CACHD1: variants seen among roughly 807,000 people sequenced by gnomAD.
CACHD1 encodes cache domain containing 1.
In CACHD1, 71 loss-of-function variants were observed where a neutral mutation model predicts 138.7. The ratio of observed to expected loss-of-function variants is 0.51; its 90% confidence interval spans 0.42 to 0.62. The LOEUF is 0.62. Ranked by LOEUF, CACHD1 falls within the 20% of genes least tolerant of loss-of-function variation. The pLI is 0.00. For synonymous variants in CACHD1, 578 were observed against 591.5 expected (o/e 0.98, Z 0.33); for missense variants, 1,389 against 1,625.3 (o/e 0.85, Z 2.50).
intron 21 of CACHD1, 59 bp downstream of exon 21, chr1:64,676,042 A>C: frequency 1.8e-6 from 1 of 560,738 alleles, no homozygotes. Context: ...ATAATAATAC[A>C]TATGTAATAC....
At chr1:64,615,062 C>G (rs1008917891) in intron 4 of CACHD1, among the ~76,000 whole-genome samples, 6 of 152,148 alleles carry the variant, frequency 3.9e-5, no homozygotes, top group African/African-American at 1.4e-4. Flanking sequence ...CAGGAAATCC[C>G]TTTCATTTCT....
intron 3 of CACHD1, among the ~76,000 whole-genome samples, chr1:64,591,871 C>T (rs1647109101): frequency 6.6e-6 from 1 of 152,154 alleles, no homozygotes; most frequent in Admixed American, 6.6e-5. Context: ...TATGTACTCT[C>T]TCATCTTTCT....
chr1:64,525,872 G>C (rs1570331876), intron 1 of CACHD1, among the ~76,000 whole-genome samples: 1 of 152,170 alleles, frequency 6.6e-6, no homozygotes, highest in East Asian at 1.9e-4. Flanking sequence ...GAAATTCTTA[G>C]GAATGTAAGC....
intron 1 of CACHD1, among the ~76,000 whole-genome samples, chr1:64,543,935 T>A (rs1295378732): frequency 7.7e-6 from 1 of 130,648 alleles, no homozygotes; most frequent in South Asian, 2.7e-4. Context: ...TCCACCGGCC[T>A]CGGCCTCCCA....
At chr1:64,568,652 A>C (rs1646902366) in intron 2 of CACHD1, among the ~76,000 whole-genome samples, 1 of 152,168 alleles carries the variant, frequency 6.6e-6, no homozygotes, top group Non-Finnish European at 1.5e-5. Flanking sequence ...ATGTGAATGC[A>C]TGCATGAAAG....
intron 2 of CACHD1, among the ~76,000 whole-genome samples, chr1:64,555,878 T>G (rs984069451): frequency 6.6e-6 from 1 of 152,270 alleles, no homozygotes; most frequent in East Asian, 1.9e-4. Context: ...CTTTCTTCAT[T>G]TGTTTTCAGT....
At chr1:64,628,444 G>A (rs1040711504) in intron 4 of CACHD1, among the ~76,000 whole-genome samples, 1 of 152,182 alleles carries the variant, frequency 6.6e-6, no homozygotes, top group African/African-American at 2.4e-5. Flanking sequence ...AGTCAGAATG[G>A]AGCAGAACAA....
intron 1 of CACHD1, among the ~76,000 whole-genome samples, chr1:64,488,543 T>C (rs1233417496): frequency 6.6e-6 from 1 of 152,236 alleles, no homozygotes; most frequent in East Asian, 1.9e-4. Flanking sequence ...TTTCTTTCAA[T>C]ACACATTGTG....
chr1:64,487,252 G>A (rs980354323), intron 1 of CACHD1, among the ~76,000 whole-genome samples: 1 of 152,100 alleles, frequency 6.6e-6, no homozygotes, highest in South Asian at 2.1e-4. Context: ...TCTTGGCTCT[G>A]TCACCCCCTG....
At chr1:64,625,674 G>A (rs372633673) in intron 4 of CACHD1, among the ~76,000 whole-genome samples, 5 of 151,058 alleles carry the variant, frequency 3.3e-5, no homozygotes, top group East Asian at 1.9e-4. Flanking sequence ...TATAATGTAC[G>A]CTATTCATGT....
At chr1:64,564,491 T>G (rs1477977630) in intron 2 of CACHD1, among the ~76,000 whole-genome samples, 1 of 152,184 alleles carries the variant, frequency 6.6e-6, no homozygotes, top group Admixed American at 6.5e-5. Flanking sequence ...GTGAGACTCC[T>G]GTGCATACTT....
At chr1:64,655,790 G>A (rs1431409010) in intron 12 of CACHD1, among the ~76,000 whole-genome samples, 10 of 152,136 alleles carry the variant, frequency 6.6e-5, no homozygotes, top group African/African-American at 2.4e-4. Context: ...TGACCAAAAG[G>A]GGAGTAGAGT....
At chr1:64,684,094 T>C (rs2100743016) in intron 26 of CACHD1, among the ~76,000 whole-genome samples, 1 of 152,338 alleles carries the variant, frequency 6.6e-6, no homozygotes, top group Non-Finnish European at 1.5e-5. Flanking sequence ...CCTAGTGATA[T>C]CTTGATGATC....
chr1:64,632,480 C>A, intron 5 of CACHD1, 119 bp from the exon 6 acceptor site: 1 of 991,114 alleles, frequency 1.0e-6, no homozygotes, highest in South Asian at 1.6e-5. Context: ...CATCCTTGTG[C>A]CATCCCTGGG....
At chr1:64,571,951 T>A (rs1557499371) in intron 2 of CACHD1, among the ~76,000 whole-genome samples, 1 of 152,200 alleles carries the variant, frequency 6.6e-6, no homozygotes, top group East Asian at 1.9e-4. Flanking sequence ...TCCCTTTTAT[T>A]TGAAATGCGT....
intron 7 of CACHD1, among the ~76,000 whole-genome samples, chr1:64,638,441 G>A (rs1340071646): frequency 6.6e-6 from 1 of 152,178 alleles, no homozygotes; most frequent in Non-Finnish European, 1.5e-5. Context: ...ACACTAATTT[G>A]CCTTATATCA....
Position 64,582,256 on chromosome 1 carries a change from C to A in CACHD1, c.362C>A (p.Pro121His). 2 of 1,613,996 alleles carry A rather than the reference C, an allele frequency of 1.2e-6. No homozygotes were observed. The highest frequency in any genetic ancestry group is 1.7e-6 in the Non-Finnish European group (2 of 1,179,866). Residue 121 changes from proline to histidine, a missense_variant, in exon 3 of 27, where the codon CCC becomes CAC. Physicochemically the swap from Pro to His is moderately conservative, Grantham distance 77. Transcript: ENST00000651257. ...TCCTATACGGCTCACCTAACCTCTC[C>A]CCTAACTGCAATTCAAGACTGCTGT... ...EASYTAHLTS[P>H]LTAIQDCCTI...
Position 64,641,889 on chromosome 1 carries a change from A to G in CACHD1, c.1076A>G (p.Lys359Arg), listed in dbSNP as rs1441074160. The G allele has an allele frequency of 6.2e-7, 1 of 1,606,132 alleles. No individual in the cohort carries two copies. The highest frequency in any genetic ancestry group is 1.3e-5 in the African/African-American group (1 of 74,368). Residue 359 changes from lysine to arginine, a missense_variant, in exon 8 of 27, where the codon AAA becomes AGA. Transcript: ENST00000651257. ...AAGGACTCTTCGGAAGAAGATAAAA[A>G]AGCGACTCTCCAAGTCATCAATGAA... ...TSKDSSEEDK[K>R]ATLQVINEEN...
intron 23 of CACHD1, among the ~76,000 whole-genome samples, chr1:64,679,335 T>G (rs1281116718): frequency 6.6e-6 from 1 of 152,222 alleles, no homozygotes; most frequent in Non-Finnish European, 1.5e-5. Flanking sequence ...ATTCTTCTGG[T>G]CTGCTCACTC....
Sources: gnomAD v4.1 joint callset for allele counts (sites outside exome capture counted in the v4.1 genomes callset) on GRCh38, gnomAD v4.1.1 for gene constraint, MANE v1.5 for transcripts, NCBI Gene and HGNC (gene_info 2026-07-23, HGNC 2026-07-21) for gene names.